GABRG3: variants seen among roughly 807,000 people sequenced by gnomAD.
GABRG3 encodes gamma-aminobutyric acid receptor subunit gamma-3.
Under a neutral mutation model 48.8 loss-of-function variants are expected in GABRG3, and 25 were observed. That is an observed-to-expected ratio of 0.51 (90% CI 0.37 to 0.72). GABRG3 has a LOEUF of 0.72. Among genes scored for constraint, GABRG3 ranks in the 30% least tolerant of loss-of-function variants. The pLI, the probability that GABRG3 is intolerant of heterozygous loss-of-function variation, is 0.00. For missense variants in GABRG3, 394 were observed against 577.9 expected, an observed-to-expected ratio of 0.68 and a Z score of 3.26; for synonymous variants, 227 against 217.6, an observed-to-expected ratio of 1.04 and a Z score of -0.38.
chr15:27,373,637 T>C (rs1895486902), intron 5 of GABRG3, among the ~76,000 whole-genome samples: 1 of 152,250 alleles, frequency 6.6e-6, no homozygotes, highest in Non-Finnish European at 1.5e-5. Flanking sequence ...ATTATATTAA[T>C]GGTAATTCAA....
intron 5 of GABRG3, among the ~76,000 whole-genome samples, chr15:27,374,256 C>G (rs1895517295): frequency 6.6e-6 from 1 of 150,682 alleles, no homozygotes; most frequent in Non-Finnish European, 1.5e-5. Flanking sequence ...CAACAGCCTC[C>G]TGAGTAGCTG....
intron 5 of GABRG3, among the ~76,000 whole-genome samples, chr15:27,346,009 G>A (rs1382814506): frequency 1.4e-5 from 2 of 146,770 alleles, no homozygotes; most frequent in African/African-American, 2.5e-5. Context: ...AGCCAAGATT[G>A]CACTGCTGCA....
At chr15:27,273,620 A>T (rs1456344602) in intron 3 of GABRG3, among the ~76,000 whole-genome samples, 2 of 152,192 alleles carry the variant, frequency 1.3e-5, no homozygotes, top group African/African-American at 4.8e-5. Flanking sequence ...GCTGTGTTGC[A>T]TGGGAGATAA....
intron 3 of GABRG3, among the ~76,000 whole-genome samples, chr15:27,029,298 C>T (rs563183074): frequency 5.9e-5 from 9 of 152,254 alleles, no homozygotes; most frequent in Non-Finnish European, 8.8e-5. Context: ...CAAACAGCGC[C>T]GAGGCCGCAG....
chr15:27,117,826 G>A (rs117161053), intron 3 of GABRG3, among the ~76,000 whole-genome samples: 4,652 of 152,290 alleles, frequency 0.031, 103 homozygotes, highest in Middle Eastern at 0.082. Context: ...TCTAAGCCCA[G>A]TGAATGTGCT....
At chr15:27,522,132 G>A (rs377729965) in intron 7 of GABRG3, among the ~76,000 whole-genome samples, 4 of 152,070 alleles carry the variant, frequency 2.6e-5, no homozygotes, top group African/African-American at 9.6e-5. Flanking sequence ...AAAATGTCCT[G>A]TCATGTGGAT....
intron 2 of GABRG3, among the ~76,000 whole-genome samples, chr15:27,005,104 A>G (rs1486552332): frequency 6.6e-6 from 1 of 152,088 alleles, no homozygotes; most frequent in Non-Finnish European, 1.5e-5. Flanking sequence ...GTGGTATAAC[A>G]GTTTTAGAAA....
chr15:27,025,483 A>G (rs1895968908), intron 2 of GABRG3, among the ~76,000 whole-genome samples: 1 of 152,208 alleles, frequency 6.6e-6, no homozygotes, highest in Non-Finnish European at 1.5e-5. Context: ...CCATATACAT[A>G]GTGCATGGAA....
Position 27,527,476 on chromosome 15 carries a change from C to G in GABRG3, c.909C>G (p.Ala303=). The change falls in exon 8 of 10, where the codon GCC becomes GCG. Residue 303 remains alanine (A), a synonymous_variant. Coordinates refer to ENST00000615808, the MANE Select transcript of GABRG3 (RefSeq NM_033223.5). ...CCATGACCACCCTGAGCACCATCGC[C>G]AGGAAGTCCTTGCCACGCGTGTCCT... ...VLTMTTLSTI[A]RKSLPRVSYV... The G allele has an allele frequency of 6.2e-7, 1 of 1,613,982 alleles. No individual in the cohort carries two copies. Among genetic ancestry groups the G allele is most frequent in the Non-Finnish European group, 8.5e-7 (1 of 1,179,884 alleles).
chr15:27,217,046 C>G lies in GABRG3; in HGVS notation c.271-109763C>G, dbSNP rs557307772. Among the ~76,000 whole-genome samples, 10 of 144,622 alleles carry G rather than the reference C, an allele frequency of 6.9e-5. No individual in the cohort carries two copies. The South Asian group carries it at 2.3e-3, about 33-fold the overall frequency. 94.9% of individuals were successfully genotyped at this position (144,622 alleles called of 152,430 possible). A position where few individuals can be genotyped will look rare whatever the true frequency, so the allele number is the denominator to read the frequency against. On this transcript the variant is annotated intron_variant, in intron 3 of 9. Coordinates refer to ENST00000615808, the MANE Select transcript of GABRG3 (RefSeq NM_033223.5). ...TGCGGTGTTTGGTTTTTTGTTATTG[C>G]GATAGTTTACTGAGAATGATGGTTT...
At chr15:27,136,029 A>G (rs1898002981) in intron 3 of GABRG3, among the ~76,000 whole-genome samples, 1 of 152,196 alleles carries the variant, frequency 6.6e-6, no homozygotes, top group African/African-American at 2.4e-5. Context: ...CTTCCCTCTA[A>G]TGGGAGCTGT....
intron 3 of GABRG3, among the ~76,000 whole-genome samples, chr15:27,126,589 G>A (rs956838509): frequency 7.9e-5 from 12 of 152,212 alleles, no homozygotes; most frequent in Admixed American, 7.9e-4. Flanking sequence ...TTCCAGGCCT[G>A]AGCATTGAAT....
chr15:27,111,192 A>G (rs1365537140), intron 3 of GABRG3, among the ~76,000 whole-genome samples: 1 of 152,158 alleles, frequency 6.6e-6, no homozygotes, highest in Non-Finnish European at 1.5e-5. Flanking sequence ...TGAACTTTTC[A>G]GAAGCATTCT....
At chr15:27,110,286 C>T (rs1239646810) in intron 3 of GABRG3, among the ~76,000 whole-genome samples, 1 of 152,112 alleles carries the variant, frequency 6.6e-6, no homozygotes, top group Non-Finnish European at 1.5e-5. Context: ...AACCAGGTAC[C>T]TTGTAACAGT....
chr15:27,437,616 T>C (rs1022094661), intron 5 of GABRG3, among the ~76,000 whole-genome samples: 6 of 152,194 alleles, frequency 3.9e-5, no homozygotes, highest in African/African-American at 7.2e-5. Context: ...AAACTGGACA[T>C]GGTCACTGCT....
chr15:26,971,714 G>A (rs1894849359), intron 1 of GABRG3, 126 bp downstream of exon 1: 7 of 1,107,018 alleles, frequency 6.3e-6, no homozygotes, highest in Non-Finnish European at 8.4e-6. Context: ...GGGCCGGGAG[G>A]GGACTGGGAA....
At chr15:27,223,892 G>C (rs968346792) in intron 3 of GABRG3, among the ~76,000 whole-genome samples, 7 of 152,332 alleles carry the variant, frequency 4.6e-5, no homozygotes, top group African/African-American at 1.4e-4. Context: ...CTGTATTTTG[G>C]ATCATTTCTT....
chr15:27,433,163 G>T (rs1226632069), intron 5 of GABRG3, among the ~76,000 whole-genome samples: 1 of 152,150 alleles, frequency 6.6e-6, no homozygotes, highest in Admixed American at 6.6e-5. Flanking sequence ...TTCTAACGTG[G>T]TCCTCAAAAT....
chr15:27,133,305 CAT>C (rs1897953017), intron 3 of GABRG3, among the ~76,000 whole-genome samples: 1 of 152,164 alleles, frequency 6.6e-6, no homozygotes, highest in Admixed American at 6.5e-5. Context: ...ATTTTTTAAA[CAT>C]GTGTCCTGAA....
Sources: allele counts gnomAD v4.1 joint callset (sites outside exome capture counted in the v4.1 genomes callset), GRCh38; gene constraint gnomAD v4.1.1; transcripts MANE v1.5; gene names NCBI Gene and HGNC (gene_info 2026-07-23, HGNC 2026-07-21).